Variants in INTS4 observed in about 807,000 individuals in gnomAD.
INTS4 encodes the protein MSTP093.
A neutral mutation model predicts 119.5 loss-of-function variants in INTS4; 70 were observed. The observed-to-expected ratio is 0.59, with a 90% CI of 0.48 to 0.71. INTS4 has a LOEUF of 0.71. INTS4 is among the 30% of genes least tolerant of loss of function. INTS4 has a pLI of 0.00. For missense variants in INTS4, 867 were observed against 1,173.2 expected, an observed-to-expected ratio of 0.74 and a Z score of 3.81; for synonymous variants, 316 against 419.6, an observed-to-expected ratio of 0.75 and a Z score of 3.02.
At chr11:77,978,963 T>C in intron 4 of INTS4, 33 bp downstream of exon 4, 1 of 1,373,754 alleles carries the variant, frequency 7.3e-7, no homozygotes, top group East Asian at 2.3e-5. Context: ...GTTACCAGTT[T>C]AGGATGGATC....
intron 4 of INTS4, among the ~76,000 whole-genome samples, chr11:77,964,861 C>T (rs1382602519): frequency 6.6e-6 from 1 of 151,910 alleles, no homozygotes; most frequent in Non-Finnish European, 1.5e-5. Context: ...TGAGGAAGAG[C>T]ATATTTACAT....
chr11:77,958,218 TATAA>T lies in INTS4; in HGVS notation c.797+524_797+527del, dbSNP rs1591107990. Among the ~76,000 whole-genome samples the T allele has an allele frequency of 2.0e-5, 3 of 151,276 alleles. No individual in the cohort carries two copies. The East Asian group carries it at 5.8e-4, about 29-fold the overall frequency. Reference sequence around the variant, plus strand: ...AAAAATAAAATATTCTATAAATATTTATAAATAAAAGATAAATAAACATTTATAA... The same window carrying T: ...AAAAATAAAATATTCTATAAATATTTATAAAAGATAAATAAACATTTATAA... On this transcript the variant is annotated intron_variant, in intron 7 of 22. Transcript: ENST00000534064.
chr11:77,936,471 C>T (rs1472662014), intron 10 of INTS4, among the ~76,000 whole-genome samples: 1 of 152,144 alleles, frequency 6.6e-6, no homozygotes, highest in Non-Finnish European at 1.5e-5. Flanking sequence ...CAACCTCTAA[C>T]TCCTGCGCTC....
At chr11:77,986,684 G>A (rs1243769651) in intron 2 of INTS4, among the ~76,000 whole-genome samples, 4 of 152,128 alleles carry the variant, frequency 2.6e-5, no homozygotes, top group Admixed American at 1.3e-4. Context: ...CATGTCCTTC[G>A]CAGGGAAATG....
intron 10 of INTS4, among the ~76,000 whole-genome samples, chr11:77,934,858 C>T (rs1292912650): frequency 6.6e-6 from 1 of 152,012 alleles, no homozygotes; most frequent in Non-Finnish European, 1.5e-5. Context: ...ATAAGATAAC[C>T]CAATTCTTAA....
intron 18 of INTS4, among the ~76,000 whole-genome samples, chr11:77,898,960 C>T (rs886158326): frequency 1.3e-5 from 2 of 152,134 alleles, no homozygotes; most frequent in African/African-American, 4.8e-5. Flanking sequence ...CCAGAGGTTG[C>T]AGTGAGTTGA....
chr11:77,894,237 T>G, intron 19 of INTS4, 53 bp downstream of exon 19: 13 of 915,028 alleles, frequency 1.4e-5, no homozygotes, highest in Non-Finnish European at 2.3e-5. Flanking sequence ...CTGCAAGTGC[T>G]ATACTCCATG....
chr11:77,883,723 G>T, intron 22 of INTS4, 109 bp downstream of exon 22: 1 of 1,178,014 alleles, frequency 8.5e-7, no homozygotes, highest in Non-Finnish European at 1.2e-6. Flanking sequence ...ATTCTTACAA[G>T]GCCTGATTCA....
At chr11:77,973,962 C>A (rs577222973) in intron 4 of INTS4, among the ~76,000 whole-genome samples, 1 of 152,150 alleles carries the variant, frequency 6.6e-6, no homozygotes, top group Non-Finnish European at 1.5e-5. Flanking sequence ...TGGAAGTGTT[C>A]TCTCCTGTTC....
At position 77,991,297 on chromosome 11, in the gene INTS4, T is replaced by C; in HGVS notation, c.57A>G (p.Pro19=). 6.2e-7 allele frequency: 1 copy of C among 1,612,446 alleles called. No individual in the cohort carries two copies. Among genetic ancestry groups the C allele is most frequent in the Non-Finnish European group, 8.5e-7 (1 of 1,178,598 alleles). The change falls in exon 2 of 23, where the codon CCA becomes CCG. Residue 19 remains proline, a splice_region_variant and synonymous_variant. Transcript: ENST00000534064. ...GTTTCTTAGTAGCAATTTCCTCCTGTGGCTGCAAGGGGTAGAGAAAATCGA... is the reference window on the plus strand; with the variant it reads ...GTTTCTTAGTAGCAATTTCCTCCTGCGGCTGCAAGGGGTAGAGAAAATCGA... ...VYEEFTKVVQ[P]QEEIATKKLR... is the part of the protein sequence containing the mutation.
At chr11:77,949,079 C>T (rs183477462) in intron 8 of INTS4, among the ~76,000 whole-genome samples, 10 of 151,748 alleles carry the variant, frequency 6.6e-5, no homozygotes, top group East Asian at 1.9e-4. Flanking sequence ...ATCGCGGAAC[C>T]GCACTCCAGC....
At chr11:77,954,431 T>A (rs1954269730) in intron 8 of INTS4, among the ~76,000 whole-genome samples, 1 of 152,146 alleles carries the variant, frequency 6.6e-6, no homozygotes, top group African/African-American at 2.4e-5. Context: ...ATTATGGGCA[T>A]GAGCCACCAT....
At chr11:77,885,142 A>C (rs1405002254) in intron 21 of INTS4, among the ~76,000 whole-genome samples, 1 of 151,708 alleles carries the variant, frequency 6.6e-6, no homozygotes, top group African/African-American at 2.4e-5. Flanking sequence ...CAGTGGCATG[A>C]TCTCGGCTCA....
intron 8 of INTS4, among the ~76,000 whole-genome samples, chr11:77,944,351 C>T (rs959060086): frequency 1.3e-5 from 2 of 152,184 alleles, no homozygotes; most frequent in Non-Finnish European, 2.9e-5. Context: ...CACTAAACTG[C>T]TTGTAGTTTA....
chr11:77,913,909 A>T (rs1171677529), intron 15 of INTS4, among the ~76,000 whole-genome samples: 3 of 152,092 alleles, frequency 2.0e-5, no homozygotes, highest in Admixed American at 2.0e-4. Flanking sequence ...TCACTCCATA[A>T]CAACTCAGAA....
intron 4 of INTS4, among the ~76,000 whole-genome samples, chr11:77,966,780 C>T (rs977587506): frequency 6.6e-6 from 1 of 152,058 alleles, no homozygotes; most frequent in South Asian, 2.1e-4. Context: ...TGGTTTCATA[C>T]AAACTTTAAA....
intron 18 of INTS4, chr11:77,900,516 T>C (rs1057454054): frequency 3.2e-6 from 2 of 616,132 alleles, no homozygotes; most frequent in Non-Finnish European, 5.8e-6. Context: ...AGTATGTTTC[T>C]GTGTTTAAGC....
At chr11:77,875,083 T>G (rs1052029430), downstream of INTS4, among the ~76,000 whole-genome samples, 1 of 151,664 alleles carries the variant, frequency 6.6e-6, no homozygotes, top group Non-Finnish European at 1.5e-5. Context: ...CAGCTAGGTG[T>G]GTACCTTTCT....
intron 1 of INTS4, among the ~76,000 whole-genome samples, chr11:77,992,001 T>G (rs1169255797): frequency 6.6e-6 from 1 of 152,072 alleles, no homozygotes; most frequent in Non-Finnish European, 1.5e-5. Context: ...ATTTTTGTAT[T>G]TCTAGTAGAG....
Sources: gnomAD v4.1 joint callset for allele counts (sites outside exome capture counted in the v4.1 genomes callset) on GRCh38, gnomAD v4.1.1 for gene constraint, MANE v1.5 for transcripts, NCBI Gene and HGNC (gene_info 2026-07-23, HGNC 2026-07-21) for gene names.